CMTR1: variants seen among roughly 807,000 people sequenced by gnomAD.
CMTR1 encodes the protein cap-specific mRNA (nucleoside-2'-O-)-methyltransferase 1.
In CMTR1, 39 loss-of-function variants were observed where a neutral mutation model predicts 107.0. The observed-to-expected ratio is 0.36, with a 90% confidence interval of 0.28 to 0.48. The LOEUF (loss-of-function observed/expected upper bound fraction) is 0.48. CMTR1 is among the 20% of genes least tolerant of loss of function. The pLI is 0.99. For missense variants in CMTR1, 672 were observed against 1,064.9 expected, an observed-to-expected ratio of 0.63 and a Z score of 5.14; for synonymous variants, 366 against 379.5, an observed-to-expected ratio of 0.96 and a Z score of 0.41.
intron 17 of CMTR1, among the ~76,000 whole-genome samples, 156 bp from the exon 18 acceptor site, chr6:37,474,368 A>G (rs1273258591): frequency 1.3e-5 from 2 of 152,192 alleles, no homozygotes; most frequent in Non-Finnish European, 2.9e-5. Context: ...CATTATCACT[A>G]AAGTATAATG....
chr6:37,478,864 C>T (rs962533820), intron 22 of CMTR1, among the ~76,000 whole-genome samples: 9 of 152,186 alleles, frequency 5.9e-5, no homozygotes, highest in East Asian at 1.9e-4. Flanking sequence ...TTCTTCAGAG[C>T]GCTCTGGCTA....
At chr6:37,457,778 A>G (rs1761325421) in intron 8 of CMTR1, among the ~76,000 whole-genome samples, 4 of 152,172 alleles carry the variant, frequency 2.6e-5, no homozygotes, top group Admixed American at 2.0e-4. Flanking sequence ...CTATGATGGG[A>G]AAAGGAAGGT....
intron 8 of CMTR1, 101 bp downstream of exon 8, chr6:37,453,413 C>T (rs1161964465): frequency 3.6e-6 from 4 of 1,101,844 alleles, no homozygotes; most frequent in East Asian, 2.4e-5. Context: ...AGTATTCTGA[C>T]TGTGTGATGG....
chr6:37,470,840 T>A (rs575874882), intron 13 of CMTR1, among the ~76,000 whole-genome samples, 181 bp from the exon 14 acceptor site: 1 of 152,274 alleles, frequency 6.6e-6, no homozygotes, highest in South Asian at 2.1e-4. Context: ...TGTTCTACCC[T>A]CATCCTTCAG....
At chr6:37,462,232 C>A in intron 12 of CMTR1, 130 bp downstream of exon 12, 2 of 1,072,638 alleles carry the variant, frequency 1.9e-6, no homozygotes, top group Non-Finnish European at 2.7e-6. Context: ...TGATGAGAGC[C>A]AACAGGATTC....
At chr6:37,442,660 G>C (rs1771699802) in intron 2 of CMTR1, among the ~76,000 whole-genome samples, 1 of 152,228 alleles carries the variant, frequency 6.6e-6, no homozygotes. Flanking sequence ...GGGATAATCA[G>C]TTAGGCCTGG....
At chr6:37,469,163 A>T (rs1263281297) in intron 13 of CMTR1, among the ~76,000 whole-genome samples, 1 of 151,964 alleles carries the variant, frequency 6.6e-6, no homozygotes, top group Admixed American at 6.6e-5. Context: ...AAAACAAAAC[A>T]AAAAACTATT....
In CMTR1 at chr6:37,461,600, C is replaced by T; in HGVS notation, c.1147C>T (p.Leu383=). The change falls in exon 11 of 24, where the codon CTG becomes TTG. Residue 383 remains leucine (L), a synonymous_variant. Transcript: ENST00000373451. ...CCTGCAGGAGATCCTCAGCAAGCAGCTGCTTCTGTGTCAGTTCCTCATGGC... is the reference window on the plus strand; with the variant it reads ...CCTGCAGGAGATCCTCAGCAAGCAGTTGCTTCTGTGTCAGTTCCTCATGGC... ...ENLQEILSKQ[L]LLCQFLMALS... is the part of the protein sequence containing the mutation. The T allele has an allele frequency of 1.2e-6, 2 of 1,611,960 alleles. No individual in the cohort carries two copies. The highest frequency in any genetic ancestry group is 1.7e-6 in the Non-Finnish European group (2 of 1,178,852).
Position 37,480,508 on chromosome 6 carries a change from CTT to C in CMTR1, c.*366_*367del. On this transcript the variant is annotated 3_prime_UTR_variant, in exon 24 of 24. Transcript: ENST00000373451. Reference sequence around the variant, plus strand: ...TTCTCTCCTGCATCCTGTAGACTCACTTTTCTGAGTTCCATGCACTGCCCTGA... The same window carrying C: ...TTCTCTCCTGCATCCTGTAGACTCACTTCTGAGTTCCATGCACTGCCCTGA... 3 of 1,094,406 alleles carry C rather than the reference CTT, an allele frequency of 2.7e-6. No homozygotes were observed. The highest frequency in any genetic ancestry group is 3.3e-6 in the Non-Finnish European group (3 of 899,508). 67.8% of individuals were successfully genotyped at this position (1,094,406 alleles called of 1,614,324 possible).
Position 37,453,091 on chromosome 6 carries a change from G to A in CMTR1, c.654G>A (p.Arg218=), listed in dbSNP as rs1474226806. The change falls in exon 7 of 24, where the codon CGG becomes CGA. Residue 218 remains arginine, a synonymous_variant. Transcript: ENST00000373451. The part of the protein sequence containing the change: ...VLDGEEMRRA[R]TRANPYEMIR... ...ATGGGGAAGAGATGCGGCGAGCTCG[G>A]ACTCGGGCCAATCCCTATGAGATGA... 1 of 1,614,106 alleles carries A rather than the reference G, an allele frequency of 6.2e-7. No individual in the cohort carries two copies. The highest frequency in any genetic ancestry group is 1.1e-5 in the South Asian group (1 of 91,072).
chr6:37,453,443 C>T (rs765068505), intron 8 of CMTR1, 131 bp downstream of exon 8: 1 of 844,764 alleles, frequency 1.2e-6, no homozygotes, highest in African/African-American at 1.7e-5. Flanking sequence ...GCTTTGAGCT[C>T]CTCAGATAGG....
At position 37,475,292 on chromosome 6, in the gene CMTR1, G is replaced by A. The variant is rs766592836; in HGVS notation, c.1945-29G>A. The A allele has an allele frequency of 7.6e-6, 12 of 1,576,252 alleles. No homozygotes were observed. The South Asian group carries it at 1.3e-4, about 18-fold the overall frequency. On this transcript the variant is annotated intron_variant, in intron 18 of 23. Transcript: ENST00000373451. ...GGGCTGAAGGCTGACACCTGGCAGAGTGGGCAGTGTACCTACTTATCCTTC... is the reference window on the plus strand; with the variant it reads ...GGGCTGAAGGCTGACACCTGGCAGAATGGGCAGTGTACCTACTTATCCTTC...
chr6:37,462,817 A>G lies in CMTR1; in HGVS notation c.1326-12A>G, dbSNP rs1761428690. On this transcript the variant is annotated splice_polypyrimidine_tract_variant and intron_variant, in intron 12 of 23. Transcript: ENST00000373451. ...CCCTTGCTCGGTGGAGTGACAGAGT[A>G]TCTTCTGCCAGGTATGTGGTGTGCA... 2 of 1,611,238 alleles carry G rather than the reference A, an allele frequency of 1.2e-6. No homozygotes were observed. Among genetic ancestry groups the G allele is most frequent in the South Asian group, 2.2e-5 (2 of 90,960 alleles).
intron 4 of CMTR1, among the ~76,000 whole-genome samples, chr6:37,448,394 A>G (rs1447061946): frequency 2.6e-5 from 4 of 152,090 alleles, no homozygotes; most frequent in African/African-American, 9.7e-5. Context: ...TCCACTCTGT[A>G]GGTAGTTATA....
chr6:37,461,744 T>G (rs1761406739), intron 11 of CMTR1, 99 bp downstream of exon 11: 1 of 919,162 alleles, frequency 1.1e-6, no homozygotes, highest in East Asian at 2.4e-5. Context: ...TAAAAAAATC[T>G]GCTTATATTA....
intron 2 of CMTR1, among the ~76,000 whole-genome samples, chr6:37,442,992 A>G (rs1008746409): frequency 1.9e-4 from 29 of 152,226 alleles, no homozygotes; most frequent in African/African-American, 5.1e-4. Flanking sequence ...AATAGATAAT[A>G]TATTCACATG....
rs990279316 is a variant in CMTR1, at chr6:37,472,451, C to T, written c.1653C>T (p.Ser551=). The T allele has an allele frequency of 1.2e-6, 2 of 1,614,074 alleles. No homozygotes were observed. The highest frequency in any genetic ancestry group is 2.7e-5 in the African/African-American group (2 of 74,940). ...ACCAGGCTCGTGTGGCTCCTTCTTC[C>T]TCCGACCCTAAATCGAAGTTCTTTG... ...IPDQARVAPS[S]SDPKSKFFEL... Residue 551 remains serine (S), a synonymous_variant, in exon 16 of 24, where the codon TCC becomes TCT. Transcript: ENST00000373451. This position sits in a 1 kb window ranked among gnomAD's most constrained non-coding sequence, Gnocchi z 4.1.
rs148875465 is a variant in CMTR1, at chr6:37,462,076, T to A, written c.1299T>A (p.Ile433=). The change falls in exon 12 of 24, where the codon ATT becomes ATA. Residue 433 remains isoleucine, a synonymous_variant. Coordinates refer to ENST00000373451, the MANE Select transcript of CMTR1 (RefSeq NM_015050.3). ...AACGAGTTTGTCTCTTCAAGCCTAT[T>A]ACCAGCCGTCCTGCCAACTCAGAGA... ...CFERVCLFKP[I]TSRPANSERY... is the part of the protein sequence containing the mutation. The A allele has an allele frequency of 4.5e-5, 73 of 1,613,974 alleles. No homozygotes were observed. Among genetic ancestry groups the A allele is most frequent in the Non-Finnish European group, 5.7e-5 (67 of 1,180,040 alleles).
chr6:37,461,784 G>C, intron 11 of CMTR1, 139 bp downstream of exon 11: 1 of 837,436 alleles, frequency 1.2e-6, no homozygotes, highest in East Asian at 2.5e-5. Context: ...AGTAATTTAG[G>C]GAAGAAAGGG....
Sources: allele counts gnomAD v4.1 joint callset (sites outside exome capture counted in the v4.1 genomes callset), GRCh38; gene constraint gnomAD v4.1.1; non-coding constraint Gnocchi (gnomAD v3.1); transcripts MANE v1.5; gene names NCBI Gene and HGNC (gene_info 2026-07-23, HGNC 2026-07-21).